PCDHA8: variants seen among roughly 807,000 people sequenced by gnomAD.
PCDHA8 encodes the protein protocadherin alpha 8.
Under a neutral mutation model 61.8 loss-of-function variants are expected in PCDHA8, and 53 were observed. The ratio of observed to expected loss-of-function variants is 0.86; its 90% CI spans 0.69 to 1.08. PCDHA8 has a LOEUF of 1.08. Among genes scored for constraint, PCDHA8 ranks in the 50% least tolerant of loss-of-function variants. The pLI is 0.00. For synonymous variants in PCDHA8, 618 were observed against 556.6 expected, an observed-to-expected ratio of 1.11 and a Z score of -1.55; for missense variants, 1,293 against 1,245.0, an observed-to-expected ratio of 1.04 and a Z score of -0.58.
At chr5:140,861,589 T>C in intron 1 of PCDHA8, 2 of 373,158 alleles carry the variant, frequency 5.4e-6, no homozygotes, top group South Asian at 4.9e-5. Context: ...CATGTGGAGG[T>C]GAAAGTGAAG....
intron 1 of PCDHA8, chr5:140,854,159 C>A (rs1172794260): frequency 2.5e-3 from 847 of 341,142 alleles, no homozygotes; most frequent in Admixed American, 7.6e-3. Context: ...GATTCTGTCT[C>A]AAAAAAAAAA....
At chr5:140,927,015 G>C in intron 1 of PCDHA8, 1 of 1,612,466 alleles carries the variant, frequency 6.2e-7, no homozygotes, top group Non-Finnish European at 8.5e-7. Context: ...ATCTCTCCGC[G>C]GACTTGAGGC....
intron 1 of PCDHA8, chr5:140,869,294 T>C: frequency 1.9e-6 from 3 of 1,613,634 alleles, no homozygotes; most frequent in Non-Finnish European, 1.7e-6. Flanking sequence ...CAGCGCCTGT[T>C]CCGGGTGGCG....
intron 1 of PCDHA8, among the ~76,000 whole-genome samples, chr5:140,846,079 G>A (rs1024607553): frequency 1.3e-5 from 2 of 149,824 alleles, no homozygotes; most frequent in South Asian, 2.1e-4. Flanking sequence ...TTTTGGAAAG[G>A]TTAAAGTCCT....
chr5:140,909,343 C>G (rs148713510), intron 1 of PCDHA8, among the ~76,000 whole-genome samples: 2 of 152,264 alleles, frequency 1.3e-5, no homozygotes, highest in African/African-American at 4.8e-5. Context: ...ATACCAGGTA[C>G]CAAGAGATGT....
At chr5:140,901,405 G>A (rs1366026091) in intron 1 of PCDHA8, among the ~76,000 whole-genome samples, 1 of 152,128 alleles carries the variant, frequency 6.6e-6, no homozygotes, top group Non-Finnish European at 1.5e-5. Flanking sequence ...TGAGAGATAG[G>A]GGTCTAGTTT....
intron 1 of PCDHA8, among the ~76,000 whole-genome samples, chr5:140,915,245 C>T (rs1366061257): frequency 2.0e-5 from 3 of 152,088 alleles, no homozygotes; most frequent in Non-Finnish European, 4.4e-5. Flanking sequence ...CCATGCCTGG[C>T]CAGGTTGTTA....
intron 1 of PCDHA8, chr5:140,882,896 T>G (rs1554176010): frequency 6.2e-7 from 1 of 1,614,212 alleles, no homozygotes. Flanking sequence ...GGAACATAGT[T>G]TATTACTGAC....
intron 1 of PCDHA8, among the ~76,000 whole-genome samples, chr5:140,943,778 G>A (rs1554215923): frequency 6.6e-6 from 1 of 152,242 alleles, no homozygotes; most frequent in African/African-American, 2.4e-5. Flanking sequence ...AAACTAGGAA[G>A]TGGTCCTTTA....
chr5:140,920,923 G>T (rs1229531762), intron 1 of PCDHA8, among the ~76,000 whole-genome samples: 1 of 151,200 alleles, frequency 6.6e-6, no homozygotes, highest in Non-Finnish European at 1.5e-5. Flanking sequence ...TCCAAGAGTA[G>T]GTGATCTAGC....
intron 1 of PCDHA8, among the ~76,000 whole-genome samples, chr5:140,889,588 GA>G (rs2062289236): frequency 6.6e-6 from 1 of 151,768 alleles, no homozygotes; most frequent in East Asian, 1.9e-4. Context: ...TTTTTGCTTT[GA>G]AATATTTTTA....
Position 140,863,280 on chromosome 5 carries a change from C to T in PCDHA8, c.2394+19565C>T, listed in dbSNP as rs782682336. The T allele has an allele frequency of 3.4e-6, 5 of 1,461,684 alleles. No individual in the cohort carries two copies. The African/African-American group carries it at 5.7e-5, about 17-fold the overall frequency. 90.5% of individuals were successfully genotyped at this position (1,461,684 alleles called of 1,614,324 possible). A position where few individuals can be genotyped will look rare whatever the true frequency, so the allele number is the denominator to read the frequency against. On this transcript the variant is annotated intron_variant, in intron 1 of 3. Coordinates refer to ENST00000531613, the MANE Select transcript of PCDHA8 (RefSeq NM_018911.3). ...TCCGGGAGGCAGCGCTGGTGGATGT[C>T]AACGTGTACCTGATCATCGCCATCT...
chr5:141,000,468 C>T (rs2097940295), intron 3 of PCDHA8, among the ~76,000 whole-genome samples: 1 of 107,380 alleles, frequency 9.3e-6, no homozygotes, highest in Non-Finnish European at 1.8e-5. Context: ...GCTCTTGTTG[C>T]CCAAGCTGGA....
chr5:140,960,875 A>G (rs2095577090), intron 1 of PCDHA8, among the ~76,000 whole-genome samples: 1 of 152,220 alleles, frequency 6.6e-6, no homozygotes, highest in African/African-American at 2.4e-5. Context: ...TAGCTGAAAT[A>G]CACACTAATG....
At chr5:140,892,623 C>T (rs2153438758) in intron 1 of PCDHA8, among the ~76,000 whole-genome samples, 1 of 152,114 alleles carries the variant, frequency 6.6e-6, no homozygotes, top group East Asian at 1.9e-4. Flanking sequence ...CCAGTTGGTA[C>T]ATAATAATTG....
chr5:140,849,946 C>T (rs2041246534), intron 1 of PCDHA8: 5 of 1,597,770 alleles, frequency 3.1e-6, no homozygotes, highest in East Asian at 2.2e-5. Flanking sequence ...GACGCTGACG[C>T]GCAGGAGAAC....
intron 1 of PCDHA8, chr5:140,848,620 G>T (rs2150415241): frequency 6.3e-7 from 1 of 1,593,518 alleles, no homozygotes; most frequent in Non-Finnish European, 8.6e-7. Context: ...GCCGAACACG[G>T]CACCTTCGTG....
Position 140,953,939 on chromosome 5 carries a change from A to G in PCDHA8, c.2395-25010A>G, listed in dbSNP as rs544318515. ...TATTCTTCCTGATGCTCTCCCTCCCATTGCTCCCCCAACAGGCCCCAGTGT... is the reference window on the plus strand; with the variant it reads ...TATTCTTCCTGATGCTCTCCCTCCCGTTGCTCCCCCAACAGGCCCCAGTGT... On this transcript the variant is annotated intron_variant, in intron 1 of 3. Coordinates refer to ENST00000531613, the MANE Select transcript of PCDHA8 (RefSeq NM_018911.3). Among the ~76,000 whole-genome samples the G allele has an allele frequency of 2.8e-3, 420 of 151,700 alleles. 4 individuals carry two copies. The highest frequency in any genetic ancestry group is 4.8e-3 in the Non-Finnish European group (324 of 67,900).
intron 1 of PCDHA8, among the ~76,000 whole-genome samples, chr5:140,942,439 A>C (rs1554214983): frequency 6.6e-6 from 1 of 152,200 alleles, no homozygotes; most frequent in Non-Finnish European, 1.5e-5. Context: ...AACAATAAAC[A>C]AGTAAACTAT....
Sources: gnomAD v4.1 joint callset for allele counts (sites outside exome capture counted in the v4.1 genomes callset) on GRCh38, gnomAD v4.1.1 for gene constraint, MANE v1.5 for transcripts, NCBI Gene and HGNC (gene_info 2026-07-23, HGNC 2026-07-21) for gene names.